SNTB1: variants seen among roughly 807,000 people sequenced by gnomAD.
SNTB1 encodes syntrophin beta 1, also known as beta-1-syntrophin.
A neutral mutation model predicts 48.9 loss-of-function variants in SNTB1; 36 were observed. That is an observed-to-expected ratio of 0.74 (90% CI 0.56 to 0.97). The LOEUF is 0.97. Ranked by LOEUF, SNTB1 falls within the 50% of genes least tolerant of loss-of-function variation. The pLI is 0.00. For missense variants in SNTB1, 786 were observed against 703.4 expected (o/e 1.12, Z -1.33); for synonymous variants, 299 against 294.6 (o/e 1.01, Z -0.15).
intron 1 of SNTB1, among the ~76,000 whole-genome samples, chr8:120,731,196 A>G (rs1818844372): frequency 6.6e-6 from 1 of 152,200 alleles, no homozygotes; most frequent in Admixed American, 6.5e-5. Context: ...ATTTTCAGTT[A>G]AATGAATAAA....
chr8:120,669,545 C>T lies in SNTB1; in HGVS notation c.788+24147G>A, dbSNP rs1296691551. Among the ~76,000 whole-genome samples the T allele has an allele frequency of 6.4e-5, 3 of 46,974 alleles. No individual in the cohort carries two copies. In the East Asian group the frequency reaches 1.2e-3, roughly 18 times the overall value. The allele number at this position is 46,974 out of a possible 152,430, so 30.8% of individuals were successfully genotyped here. A position where few individuals can be genotyped will look rare whatever the true frequency, so the allele number is the denominator to read the frequency against. On this transcript the variant is annotated intron_variant, in intron 2 of 6. Transcript: ENST00000517992. ...TCGGCTCACTGCAAGCTCCGCTTCC[C>T]GGGTTCACGCCATTCTCCTGCCTCA... is the stretch of plus-strand genomic sequence containing the variant.
intron 1 of SNTB1, among the ~76,000 whole-genome samples, chr8:120,804,487 T>C (rs948887455): frequency 3.9e-5 from 6 of 152,124 alleles, no homozygotes; most frequent in African/African-American, 1.4e-4. Context: ...ACCCACAGTG[T>C]CTTCAGTTTG....
intron 5 of SNTB1, 167 bp from the exon 6 acceptor site, chr8:120,542,167 T>C: frequency 1.7e-6 from 1 of 590,822 alleles, no homozygotes; most frequent in East Asian, 2.9e-5. Flanking sequence ...TGGATTTATT[T>C]TGGTGTTGTA....
chr8:120,766,154 C>T (rs375128721), intron 1 of SNTB1, among the ~76,000 whole-genome samples: 2 of 152,246 alleles, frequency 1.3e-5, no homozygotes, highest in East Asian at 3.9e-4. Flanking sequence ...TATTTATTGA[C>T]CAAATGCTGC....
At chr8:120,566,580 C>T (rs758325668) in intron 4 of SNTB1, among the ~76,000 whole-genome samples, 1 of 152,142 alleles carries the variant, frequency 6.6e-6, no homozygotes, top group Admixed American at 6.5e-5. Context: ...CAAATGGACT[C>T]GGACACACCA....
intron 4 of SNTB1, among the ~76,000 whole-genome samples, chr8:120,559,862 C>A (rs1170415291): frequency 2.0e-5 from 3 of 151,594 alleles, no homozygotes; most frequent in Admixed American, 2.0e-4. Context: ...GGTTGCTAAG[C>A]AATATTACAT....
At chr8:120,568,577 G>T (rs1465873238) in intron 4 of SNTB1, among the ~76,000 whole-genome samples, 1 of 152,218 alleles carries the variant, frequency 6.6e-6, no homozygotes, top group African/African-American at 2.4e-5. Flanking sequence ...AGAGGGAGCT[G>T]GGGTGATGAG....
intron 1 of SNTB1, among the ~76,000 whole-genome samples, chr8:120,760,792 C>T (rs1232123326): frequency 6.6e-6 from 1 of 151,948 alleles, no homozygotes; most frequent in Non-Finnish European, 1.5e-5. Context: ...GGGAAATACC[C>T]AACTCCAGCC....
chr8:120,551,523 G>A (rs1320740463), intron 4 of SNTB1, among the ~76,000 whole-genome samples: 2 of 151,618 alleles, frequency 1.3e-5, no homozygotes, highest in Non-Finnish European at 2.9e-5. Flanking sequence ...AAGTAAGGTC[G>A]TGACCATCCT....
chr8:120,560,847 G>A (rs1376358587), intron 4 of SNTB1, among the ~76,000 whole-genome samples: 1 of 152,150 alleles, frequency 6.6e-6, no homozygotes, highest in Non-Finnish European at 1.5e-5. Context: ...TTTGAAAGTG[G>A]TATTATGAGC....
At chr8:120,811,016 T>G (rs1168648820) in intron 1 of SNTB1, among the ~76,000 whole-genome samples, 2 of 152,154 alleles carry the variant, frequency 1.3e-5, no homozygotes, top group African/African-American at 2.4e-5. Context: ...TAGCCTCGCT[T>G]TTCCATACAC....
intron 1 of SNTB1, among the ~76,000 whole-genome samples, chr8:120,766,861 TCTTA>T (rs1213549139): frequency 3.7e-4 from 57 of 152,338 alleles, no homozygotes; most frequent in Middle Eastern, 6.8e-3. Context: ...TCATTTGTTT[TCTTA>T]CTGTTTCTCT....
intron 1 of SNTB1, among the ~76,000 whole-genome samples, chr8:120,787,034 C>T (rs1819936084): frequency 4.6e-5 from 7 of 152,188 alleles, no homozygotes; most frequent in Admixed American, 4.6e-4. Flanking sequence ...GACAGTGAAC[C>T]TGCTCACATA....
At chr8:120,583,040 G>A (rs998395425) in intron 3 of SNTB1, among the ~76,000 whole-genome samples, 5 of 152,112 alleles carry the variant, frequency 3.3e-5, no homozygotes, top group African/African-American at 1.2e-4. Context: ...AGGCTGAAGT[G>A]GGAGAATTGC....
chr8:120,643,298 G>A (rs977525168), intron 2 of SNTB1, among the ~76,000 whole-genome samples: 1 of 152,152 alleles, frequency 6.6e-6, no homozygotes, highest in African/African-American at 2.4e-5. Context: ...AATAGTTTTG[G>A]GGGAACAGGT....
At chr8:120,781,078 T>C (rs1011137670) in intron 1 of SNTB1, among the ~76,000 whole-genome samples, 1 of 152,180 alleles carries the variant, frequency 6.6e-6, no homozygotes. Flanking sequence ...ATTAGATCCA[T>C]AGAGAATGAG....
At chr8:120,720,083 G>T (rs556603760) in intron 1 of SNTB1, among the ~76,000 whole-genome samples, 1 of 152,332 alleles carries the variant, frequency 6.6e-6, no homozygotes, top group South Asian at 2.1e-4. Flanking sequence ...AAATACATGG[G>T]TTAGGGCAAA....
intron 1 of SNTB1, among the ~76,000 whole-genome samples, chr8:120,721,877 T>TCCCTCCCCCCCCCCCCCCCCCCCCC (rs1563580227): frequency 7.0e-6 from 1 of 142,184 alleles, no homozygotes; most frequent in Admixed American, 7.3e-5. Flanking sequence ...CCCAATGCTA[T>TCCCTCCCCCCCCCCCCCCCCCCCCC]CCCCTCCCCC....
At position 120,588,518 on chromosome 8, in the gene SNTB1, A is replaced by G. The variant is rs1816185957; in HGVS notation, c.997-13293T>C. Among the ~76,000 whole-genome samples, 8 of 120,000 alleles carry G rather than the reference A, an allele frequency of 6.7e-5. No individual in the cohort carries two copies. In the Admixed American group the frequency reaches 7.9e-4, roughly 12 times the overall value. 78.7% of individuals were successfully genotyped at this position (120,000 alleles called of 152,430 possible). A position where few individuals can be genotyped will look rare whatever the true frequency, so the allele number is the denominator to read the frequency against. ...AAACTCCTTCGTAAAACCTGCCCCA[A>G]CTGGGAATAGCCATTTTTTTTTTTT... On this transcript the variant is annotated intron_variant, in intron 3 of 6. Transcript: ENST00000517992.
Sources: gnomAD v4.1 joint callset for allele counts (sites outside exome capture counted in the v4.1 genomes callset) on GRCh38, gnomAD v4.1.1 for gene constraint, MANE v1.5 for transcripts, NCBI Gene and HGNC (gene_info 2026-07-23, HGNC 2026-07-21) for gene names.